SMG5: variants seen among roughly 807,000 people sequenced by gnomAD.
The protein encoded by SMG5 is SMG5 nonsense mediated mRNA decay factor.
Under a neutral mutation model 122.9 loss-of-function variants are expected in SMG5, and 53 were observed. That is an observed-to-expected ratio of 0.43 (90% CI 0.35 to 0.54). The LOEUF (loss-of-function observed/expected upper bound fraction) is 0.54. Ranked by LOEUF, SMG5 falls within the 20% of genes least tolerant of loss-of-function variation. The probability of loss-of-function intolerance (pLI) is 0.01; values close to 1 mark genes in which losing one functional copy is unlikely to be tolerated. For missense variants in SMG5, 1,153 were observed against 1,285.6 expected (o/e 0.90, Z 1.58); for synonymous variants, 477 against 490.2 (o/e 0.97, Z 0.35).
In SMG5 at chr1:156,259,114, C is replaced by A. The variant is rs759492937; in HGVS notation, c.2333G>T (p.Arg778Leu). The change falls in exon 16 of 22, where the codon CGC becomes CTC. Residue 778 changes from arginine (R) to leucine (L), a missense_variant. Around this residue, in one of 5 missense-constraint regions of SMG5, gnomAD observed 140 missense variants for 227.8 expected, o/e 0.61. Transcript: ENST00000361813. ...CIRSFGHFIA[R>L]LQGSILQFNP... ...GAACTGCAGGATGCTGCCTTGCAGGCGGGCGATGAAATGACCAAAGCTGCG... is the reference window on the plus strand; with the variant it reads ...GAACTGCAGGATGCTGCCTTGCAGGAGGGCGATGAAATGACCAAAGCTGCG... 2.5e-6 allele frequency: 4 copies of A among 1,607,750 alleles called. No homozygotes were observed. The highest frequency in any genetic ancestry group is 1.7e-5 in the Admixed American group (1 of 58,630).
chr1:156,287,410 C>T (rs995007843), upstream of SMG5, among the ~76,000 whole-genome samples: 3 of 151,796 alleles, frequency 2.0e-5, no homozygotes, highest in African/African-American at 2.4e-5. Context: ...AGTGAGACTC[C>T]GTCTCAAACA....
chr1:156,268,507 C>T (rs1400224882), intron 7 of SMG5, 92 bp from the exon 8 acceptor site: 2 of 1,515,202 alleles, frequency 1.3e-6, no homozygotes, highest in African/African-American at 2.8e-5. Flanking sequence ...CTAGTAAATA[C>T]AGGCTGCTCC....
At chr1:156,268,538 A>T in intron 7 of SMG5, 123 bp from the exon 8 acceptor site, 1 of 1,256,254 alleles carries the variant, frequency 8.0e-7, no homozygotes. Context: ...TTCCATGTAC[A>T]TACGCAGGGT....
At chr1:156,286,416 T>C, upstream of SMG5, 1 of 1,614,204 alleles carries the variant, frequency 6.2e-7, no homozygotes, top group South Asian at 1.1e-5. Context: ...TCCACTTACC[T>C]GCCCCAGGAT....
At chr1:156,253,711 G>A (rs1419896265) in intron 16 of SMG5, 4 of 606,608 alleles carry the variant, frequency 6.6e-6, no homozygotes, top group African/African-American at 5.5e-5. Context: ...TTACCAACCC[G>A]ATGCAGGTCA....
the SMG5 span, among the ~76,000 whole-genome samples, chr1:156,289,578 C>T: frequency 5.9e-5 from 9 of 152,330 alleles, no homozygotes; most frequent in South Asian, 1.4e-3. Flanking sequence ...GGCCACTGCA[C>T]TCCAGCCTGG....
chr1:156,252,816 A>T, intron 18 of SMG5, 103 bp downstream of exon 18: 2 of 1,267,170 alleles, frequency 1.6e-6, no homozygotes, highest in Non-Finnish European at 2.1e-6. Flanking sequence ...AGACTTGACC[A>T]AGGTTACTGC....
intron 12 of SMG5, 36 bp from the exon 13 acceptor site, chr1:156,263,606 G>T: frequency 6.2e-7 from 1 of 1,601,826 alleles, no homozygotes; most frequent in Non-Finnish European, 8.5e-7. Context: ...AAAAAACTGG[G>T]ATAAACAACT....
At chr1:156,260,702 G>A (rs1248139040) in intron 14 of SMG5, 76 bp from the exon 15 acceptor site, 1 of 1,334,364 alleles carries the variant, frequency 7.5e-7, no homozygotes, top group Non-Finnish European at 9.9e-7. Flanking sequence ...CCTTCCCTTT[G>A]GGAATTATCA....
At chr1:156,291,447 C>A in the SMG5 span, 2 of 1,613,874 alleles carry the variant, frequency 1.2e-6, no homozygotes, top group African/African-American at 2.7e-5. Context: ...TACGGCCTGA[C>A]GTTTCTGCCA....
intron 12 of SMG5, among the ~76,000 whole-genome samples, chr1:156,265,209 T>A (rs887533973): frequency 1.4e-5 from 2 of 144,274 alleles, no homozygotes; most frequent in African/African-American, 5.1e-5. Flanking sequence ...GGGGGATAGG[T>A]AAGACCCTGT....
chr1:156,261,960 G>A (rs995160003), intron 13 of SMG5, among the ~76,000 whole-genome samples: 2 of 151,962 alleles, frequency 1.3e-5, no homozygotes, highest in Admixed American at 6.6e-5. Context: ...TACTGGGGAG[G>A]CTCAGTTGGG....
chr1:156,254,059 T>C (rs1308835562), intron 16 of SMG5, among the ~76,000 whole-genome samples: 1 of 152,188 alleles, frequency 6.6e-6, no homozygotes, highest in Non-Finnish European at 1.5e-5. Context: ...GTCAGAAAGC[T>C]CAGGGTTGGC....
At chr1:156,286,301 C>G (rs764935907), upstream of SMG5, 4 of 1,614,150 alleles carry the variant, frequency 2.5e-6, no homozygotes, top group Non-Finnish European at 3.4e-6. Flanking sequence ...CTTTTCTGCC[C>G]TTCGGCCCTT....
upstream of SMG5, chr1:156,285,829 G>C (rs761986331): frequency 1.4e-5 from 23 of 1,613,496 alleles, no homozygotes; most frequent in Admixed American, 1.0e-4. Context: ...TAAGGGCTGT[G>C]GCCTCCGTGG....
intron 14 of SMG5, among the ~76,000 whole-genome samples, 188 bp downstream of exon 14, chr1:156,261,145 A>G (rs759329): frequency 0.48 from 73,218 of 152,132 alleles, 17,907 homozygotes; most frequent in Admixed American, 0.59. Flanking sequence ...CCTGCCCACA[A>G]TACAGCAGTG....
At chr1:156,259,972 GC>G (rs1661745885) in intron 15 of SMG5, among the ~76,000 whole-genome samples, 1 of 152,140 alleles carries the variant, frequency 6.6e-6, no homozygotes, top group Non-Finnish European at 1.5e-5. Context: ...GGACTGGGTG[GC>G]CTGTCTGCTT....
At chr1:156,267,740 G>A in intron 9 of SMG5, 62 bp from the exon 10 acceptor site, 1 of 1,391,440 alleles carries the variant, frequency 7.2e-7, no homozygotes, top group African/African-American at 1.4e-5. Flanking sequence ...GAGAAGAGCA[G>A]GGAATACAAG....
intron 2 of SMG5, 83 bp downstream of exon 2, chr1:156,278,853 G>T: frequency 8.9e-7 from 1 of 1,127,942 alleles, no homozygotes; most frequent in Non-Finnish European, 1.3e-6. Context: ...AAAACAGAGT[G>T]CGTGTTTATA....
Sources: allele counts gnomAD v4.1 joint callset (sites outside exome capture counted in the v4.1 genomes callset), GRCh38; gene constraint gnomAD v4.1.1; regional missense constraint gnomAD v4.1.1; transcripts MANE v1.5; gene names NCBI Gene and HGNC (gene_info 2026-07-23, HGNC 2026-07-21).